ARHGAP6: variants seen among roughly 807,000 people sequenced by gnomAD.
ARHGAP6 encodes rho GTPase-activating protein 6.
Under a neutral mutation model 55.7 loss-of-function variants are expected in ARHGAP6, and 16 were observed. That is an observed-to-expected ratio of 0.29 (90% CI 0.19 to 0.44). The LOEUF (loss-of-function observed/expected upper bound fraction) is 0.44, where lower values mean the gene tolerates loss of function less well. Among genes scored for constraint, ARHGAP6 ranks in the 20% least tolerant of loss-of-function variants. The pLI is 1.00. For synonymous variants in ARHGAP6, 382 were observed against 360.9 expected (o/e 1.06, Z -0.66); for missense variants, 698 against 808.9 (o/e 0.86, Z 1.66).
chrX:11,287,328 G>A (rs1424819687), intron 1 of ARHGAP6, among the ~76,000 whole-genome samples: 2 of 111,896 alleles, frequency 1.8e-5, no homozygotes, highest in African/African-American at 6.5e-5. Context: ...CCCAAGGTAT[G>A]CCTCATTCAT....
chrX:11,547,564 T>C (rs924535603), intron 1 of ARHGAP6, among the ~76,000 whole-genome samples: 1 of 112,016 alleles, frequency 8.9e-6, no homozygotes, highest in Non-Finnish European at 1.9e-5. Context: ...CCCTAAAAAG[T>C]CCAGTTGAGC....
intron 1 of ARHGAP6, among the ~76,000 whole-genome samples, chrX:11,571,747 G>A (rs1236088516): frequency 1.2e-5 from 1 of 81,290 alleles, no homozygotes; most frequent in Non-Finnish European, 2.4e-5. Flanking sequence ...AATTAGCTGA[G>A]TATAGTGCTG....
intron 2 of ARHGAP6, among the ~76,000 whole-genome samples, chrX:11,246,405 A>T (rs1226187464): frequency 1.8e-5 from 2 of 111,990 alleles, no homozygotes; most frequent in African/African-American, 6.5e-5. Flanking sequence ...TACTGGAGAC[A>T]CTGGGGACAG....
chrX:11,419,550 T>C (rs1318076924), intron 1 of ARHGAP6, among the ~76,000 whole-genome samples: 3 of 112,360 alleles, frequency 2.7e-5, no homozygotes, highest in Non-Finnish European at 5.6e-5. Context: ...GCAAACTCAA[T>C]GTTCCATACC....
chrX:11,308,025 T>G (rs1022416979), intron 1 of ARHGAP6, among the ~76,000 whole-genome samples: 4 of 112,587 alleles, frequency 3.6e-5, no homozygotes, highest in Admixed American at 9.4e-5. Flanking sequence ...TCGTATATAT[T>G]TTAATTACTT....
chrX:11,461,689 G>A (rs186432995), intron 1 of ARHGAP6, among the ~76,000 whole-genome samples: 3 of 112,402 alleles, frequency 2.7e-5, no homozygotes, highest in African/African-American at 9.7e-5. Flanking sequence ...TTTCAGGGAT[G>A]ATGAAGCAAA....
At chrX:11,574,932 T>C (rs1216951018) in intron 1 of ARHGAP6, among the ~76,000 whole-genome samples, 8 of 111,793 alleles carry the variant, frequency 7.2e-5, no homozygotes, top group Admixed American at 5.7e-4. Flanking sequence ...CTGTACCATA[T>C]GTTTTACTCT....
At chrX:11,608,961 T>C (rs1246891466) in intron 1 of ARHGAP6, among the ~76,000 whole-genome samples, 3 of 111,468 alleles carry the variant, frequency 2.7e-5, no homozygotes, top group African/African-American at 9.8e-5. Flanking sequence ...GCTAACCACC[T>C]ATGGGGCACC....
At chrX:11,147,880 AACT>A (rs753064192) in intron 10 of ARHGAP6, among the ~76,000 whole-genome samples, 30 of 112,202 alleles carry the variant, frequency 2.7e-4, no homozygotes, top group Non-Finnish European at 3.2e-4. Context: ...AAGAAAGAAA[AACT>A]ACCTTTCAGG....
chrX:11,472,227 C>T (rs998819287), intron 1 of ARHGAP6, among the ~76,000 whole-genome samples: 5 of 111,419 alleles, frequency 4.5e-5, no homozygotes, highest in African/African-American at 1.6e-4. Flanking sequence ...CCGGTAGCAC[C>T]CTCCACCCCA....
chrX:11,346,183 T>C (rs953248127), intron 1 of ARHGAP6, among the ~76,000 whole-genome samples: 3 of 111,410 alleles, frequency 2.7e-5, no homozygotes, highest in Non-Finnish European at 5.7e-5. Flanking sequence ...AGCAAAACAA[T>C]TTTTCTCCCA....
chrX:11,310,153 T>A (rs2048280991), intron 1 of ARHGAP6, among the ~76,000 whole-genome samples: 1 of 48,013 alleles, frequency 2.1e-5, no homozygotes, highest in Non-Finnish European at 3.6e-5. Flanking sequence ...AGAGTGAGAC[T>A]CTATCTCAAA....
chrX:11,583,071 C>T (rs2051684108), intron 1 of ARHGAP6, among the ~76,000 whole-genome samples: 1 of 111,874 alleles, frequency 8.9e-6, no homozygotes, highest in African/African-American at 3.2e-5. Flanking sequence ...TAAATAGTCC[C>T]ATTTTTAAAA....
intron 5 of ARHGAP6, among the ~76,000 whole-genome samples, chrX:11,185,178 G>A (rs866834125): frequency 6.6e-5 from 7 of 106,614 alleles, no homozygotes; most frequent in Non-Finnish European, 1.2e-4. Flanking sequence ...GTGTGTGTGT[G>A]TATGTGTGTG....
Position 11,354,295 on chromosome X carries a change from T to TTCTC in ARHGAP6, c.589-99592_589-99589dup, listed in dbSNP as rs1206233633. Among the ~76,000 whole-genome samples the TTCTC allele has an allele frequency of 7.9e-3, 325 of 41,013 alleles. 4 individuals are homozygous for TTCTC. Among genetic ancestry groups the TTCTC allele is most frequent in the Middle Eastern group, 0.023 (1 of 43 alleles). 35.6% of individuals were successfully genotyped at this position (41,013 alleles called of 115,157 possible). On this transcript the variant is annotated intron_variant, in intron 1 of 12. Coordinates refer to ENST00000337414, the MANE Select transcript of ARHGAP6 (RefSeq NM_013427.3). Reference sequence around the variant, plus strand: ...TCTCTCTCTCTCTCTCTCTCTCTCTTTCTCTCTCTCTCTCTCTCTCTCTCT... The same window carrying TTCTC: ...TCTCTCTCTCTCTCTCTCTCTCTCTTTCTCTCTCTCTCTCTCTCTCTCTCTCTCT...
In ARHGAP6 at chrX:11,553,230, C is replaced by A. The variant is rs1018643501; in HGVS notation, c.588+111011G>T. On this transcript the variant is annotated intron_variant, in intron 1 of 12. Coordinates refer to ENST00000337414, the MANE Select transcript of ARHGAP6 (RefSeq NM_013427.3). The stretch of plus-strand genomic sequence containing the variant: ...CCAATCTTGAACAAATAAACAAAAT[C>A]GTTGCTTAGAACATTTTTTTTTTTT... 2.1e-4 allele frequency among the ~76,000 whole-genome samples: 22 copies of A among 103,608 alleles called. 1 individual carries two copies. In the Admixed American group the frequency reaches 2.3e-3, roughly 11 times the overall value. 90.0% of individuals were successfully genotyped at this position (103,608 alleles called of 115,157 possible).
chrX:11,174,632 TTTCTTTCTTTCTTTCTTTC>T, intron 8 of ARHGAP6, among the ~76,000 whole-genome samples: 1 of 30,610 alleles, frequency 3.3e-5, no homozygotes, highest in Admixed American at 4.3e-4. Flanking sequence ...CTTTTCTTTC[TTTCTTTCTTTCTTTCTTTC>T]TTTCTTTCTT....
Position 11,171,231 on chromosome X carries a change from C to T in ARHGAP6, c.1630-1547G>A, listed in dbSNP as rs750350462. On this transcript the variant is annotated intron_variant, in intron 8 of 12. Coordinates refer to ENST00000337414, the MANE Select transcript of ARHGAP6 (RefSeq NM_013427.3). ...AGGTAAGCCAAAAGAAAAAAAAATG[C>T]CCATAATTTCACCACTGCCAAGAAT... Among the ~76,000 whole-genome samples the T allele has an allele frequency of 4.5e-5, 5 of 110,874 alleles. No homozygotes were observed. The Admixed American group carries it at 4.8e-4, about 11-fold the overall frequency.
intron 2 of ARHGAP6, chrX:11,223,252 G>A (rs1009728899): frequency 2.0e-5 from 3 of 148,204 alleles, no homozygotes; most frequent in African/African-American, 9.7e-5. Flanking sequence ...CGTATTTTGA[G>A]AACAATACAA....
Sources: allele counts gnomAD v4.1 joint callset (sites outside exome capture counted in the v4.1 genomes callset), GRCh38; gene constraint gnomAD v4.1.1; transcripts MANE v1.5; gene names NCBI Gene and HGNC (gene_info 2026-07-23, HGNC 2026-07-21).